MERTK: variants seen among roughly 807,000 people sequenced by gnomAD.
MERTK encodes MER proto-oncogene, tyrosine kinase, also known as tyrosine-protein kinase Mer.
In MERTK, 69 loss-of-function variants were observed where a neutral mutation model predicts 99.3. The observed-to-expected ratio is 0.70, with a 90% CI of 0.57 to 0.85. MERTK has a LOEUF of 0.85. Among genes scored for constraint, MERTK ranks in the 40% least tolerant of loss-of-function variants. The probability of loss-of-function intolerance (pLI) is 0.00; values close to 1 mark genes in which losing one functional copy is unlikely to be tolerated. For synonymous variants in MERTK, 426 were observed against 467.6 expected, an observed-to-expected ratio of 0.91 and a Z score of 1.15; for missense variants, 1,125 against 1,249.4, an observed-to-expected ratio of 0.90 and a Z score of 1.50.
intron 5 of MERTK, among the ~76,000 whole-genome samples, chr2:111,967,214 T>C (rs1685374175): frequency 6.6e-6 from 1 of 152,192 alleles, no homozygotes; most frequent in Non-Finnish European, 1.5e-5. Context: ...AAGTCCCTGT[T>C]GTACTGCTTA....
chr2:111,909,507 G>A (rs572134545), intron 1 of MERTK, among the ~76,000 whole-genome samples: 18 of 152,200 alleles, frequency 1.2e-4, no homozygotes, highest in South Asian at 2.1e-4. Context: ...ATGATTTAGC[G>A]GGAGACAAGA....
Position 112,009,981 on chromosome 2 carries a change from C to A in MERTK, c.1994C>A (p.Pro665Gln). The change falls in exon 15 of 19, where the codon CCA (proline) becomes CAA (glutamine). Residue 665 changes from proline to glutamine, a missense_variant. Physicochemically the swap from Pro to Gln is moderately conservative, Grantham distance 76 (BLOSUM62 -1). Coordinates refer to ENST00000295408, the MANE Select transcript of MERTK (RefSeq NM_006343.3). ...ATAGAAATGAGCTCTCAAGGCATCC[C>A]AAAGCCCATGGTAATTTTACCCTTC... The part of the protein sequence containing the change: ...VCIEMSSQGI[P>Q]KPMVILPFMK... 1 of 1,613,858 alleles carries A rather than the reference C, an allele frequency of 6.2e-7. No individual in the cohort carries two copies. Among genetic ancestry groups the A allele is most frequent in the South Asian group, 1.1e-5 (1 of 91,066 alleles).
intron 4 of MERTK, among the ~76,000 whole-genome samples, chr2:111,964,364 G>A (rs1231656036): frequency 8.2e-6 from 1 of 121,940 alleles, no homozygotes; most frequent in Non-Finnish European, 1.7e-5. Context: ...CCCCATCATT[G>A]TCTCGTGTGT....
chr2:111,921,110 C>T (rs1684449442), intron 1 of MERTK, among the ~76,000 whole-genome samples: 2 of 152,096 alleles, frequency 1.3e-5, no homozygotes, highest in South Asian at 4.1e-4. Context: ...CTGCTCAGGA[C>T]ATGATTCAAA....
At chr2:111,940,260 C>T (rs1684838175) in intron 2 of MERTK, 1 of 391,316 alleles carries the variant, frequency 2.6e-6, no homozygotes, top group Non-Finnish European at 5.1e-6. Flanking sequence ...CCCAATTGTA[C>T]TAAATAGACT....
chr2:112,021,628 G>T (rs1487654794), intron 17 of MERTK, 47 bp downstream of exon 17: 3 of 1,547,724 alleles, frequency 1.9e-6, no homozygotes, highest in Non-Finnish European at 2.7e-6. Context: ...CAAAGAGGAG[G>T]GCATATTGAA....
intron 11 of MERTK, 100 bp from the exon 12 acceptor site, chr2:112,002,992 A>AAATG: frequency 1.5e-6 from 1 of 688,020 alleles, no homozygotes; most frequent in South Asian, 1.5e-5. Flanking sequence ...ATAAATAAAT[A>AAATG]AGGAATGTTT....
chr2:112,028,751 G>A lies in MERTK; in HGVS notation c.2887G>A (p.Val963Ile), dbSNP rs1677522309. 1 of 1,614,020 alleles carries A rather than the reference G, an allele frequency of 6.2e-7. No homozygotes were observed. Among genetic ancestry groups the A allele is most frequent in the African/African-American group, 1.3e-5 (1 of 74,914 alleles). ...KNSVLPGERL[V>I]RNGVSWSHSS... ...CAGTGTTTTACCGGGGGAGAGACTT[G>A]TTAGGAATGGGGTCTCCTGGTCCCA... The change falls in exon 19 of 19, where the codon GTT (valine) becomes ATT (isoleucine). Residue 963 changes from valine (V) to isoleucine (I), a missense_variant. Val to Ile is a conservative substitution (Grantham distance 29, BLOSUM62 3). Transcript: ENST00000295408.
At chr2:111,943,000 ACT>A (rs1558780879) in intron 2 of MERTK, among the ~76,000 whole-genome samples, 1 of 152,046 alleles carries the variant, frequency 6.6e-6, no homozygotes, top group Non-Finnish European at 1.5e-5. Context: ...ACCTAAGGAA[ACT>A]CTGTCTCATT....
chr2:111,938,837 G>A (rs1363749486), intron 2 of MERTK, among the ~76,000 whole-genome samples: 6 of 152,102 alleles, frequency 3.9e-5, no homozygotes, highest in Non-Finnish European at 8.8e-5. Flanking sequence ...CCCATCTCTT[G>A]GGTATCTTTC....
chr2:111,953,220 T>G (rs1049514303), intron 4 of MERTK, among the ~76,000 whole-genome samples: 1 of 152,190 alleles, frequency 6.6e-6, no homozygotes, highest in African/African-American at 2.4e-5. Flanking sequence ...TCACTAACAT[T>G]TCACCAGCTG....
In MERTK at chr2:112,029,346, C is replaced by G. The variant is rs1677534629; in HGVS notation, c.*482C>G. ...CTGATTAATTTTCTGATATGGCTTC[C>G]TAATAAAATATGAATAAGGAAGGAT... On this transcript the variant is annotated 3_prime_UTR_variant, in exon 19 of 19. Coordinates refer to ENST00000295408, the MANE Select transcript of MERTK (RefSeq NM_006343.3). The G allele has an allele frequency of 1.1e-6, 1 of 937,802 alleles. No homozygotes were observed. The highest frequency in any genetic ancestry group is 1.8e-5 in the African/African-American group (1 of 56,098). 58.1% of individuals were successfully genotyped at this position (937,802 alleles called of 1,614,324 possible).
chr2:111,904,076 CTA>C (rs1684093690), intron 1 of MERTK, among the ~76,000 whole-genome samples: 1 of 152,036 alleles, frequency 6.6e-6, no homozygotes, highest in Non-Finnish European at 1.5e-5. Flanking sequence ...TTTTTGTTTC[CTA>C]GTAGTTTGAG....
At chr2:111,920,801 C>A (rs1684442607) in intron 1 of MERTK, among the ~76,000 whole-genome samples, 1 of 151,962 alleles carries the variant, frequency 6.6e-6, no homozygotes, top group Non-Finnish European at 1.5e-5. Context: ...ATTACAGGCG[C>A]CTGCCACCAG....
intron 4 of MERTK, among the ~76,000 whole-genome samples, chr2:111,962,322 A>G (rs1685265804): frequency 6.6e-6 from 1 of 152,182 alleles, no homozygotes; most frequent in Non-Finnish European, 1.5e-5. Flanking sequence ...AGCCTGGACA[A>G]CATGGTGATA....
chr2:111,971,077 G>A (rs1033959441), intron 6 of MERTK, among the ~76,000 whole-genome samples: 6 of 151,834 alleles, frequency 4.0e-5, no homozygotes, highest in African/African-American at 7.3e-5. Context: ...TGAACATTTC[G>A]TCTCAGTTAT....
chr2:111,919,365 A>T (rs1370098330), intron 1 of MERTK, among the ~76,000 whole-genome samples: 4 of 147,000 alleles, frequency 2.7e-5, no homozygotes, highest in Non-Finnish European at 4.5e-5. Context: ...ATTTTTTTTT[A>T]AATCCCAGTG....
Position 111,915,666 on chromosome 2 carries a change from C to T in MERTK, c.62-13454C>T, listed in dbSNP as rs150899634. Among the ~76,000 whole-genome samples, 732 of 152,128 alleles carry T rather than the reference C, an allele frequency of 4.8e-3. 7 individuals are homozygous for T. The highest frequency in any genetic ancestry group is 0.017 in the African/African-American group (704 of 41,510). On this transcript the variant is annotated intron_variant, in intron 1 of 18. Coordinates refer to ENST00000295408, the MANE Select transcript of MERTK (RefSeq NM_006343.3). ...ATCCCAGCACTTTGGGAGGCTGAAG[C>T]GGGTGGATCACCTGAGGTCAGGAGT...
intron 2 of MERTK, 45 bp from the exon 3 acceptor site, chr2:111,944,915 C>A: frequency 6.6e-7 from 1 of 1,510,912 alleles, no homozygotes; most frequent in South Asian, 1.1e-5. Flanking sequence ...AATAGGAACT[C>A]AAAGGGTAGT....
Sources: gnomAD v4.1 joint callset for allele counts (sites outside exome capture counted in the v4.1 genomes callset) on GRCh38, gnomAD v4.1.1 for gene constraint, MANE v1.5 for transcripts, NCBI Gene and HGNC (gene_info 2026-07-23, HGNC 2026-07-21) for gene names.